Variants in DYNC2H1 observed in about 807,000 individuals in gnomAD.
DYNC2H1 encodes the protein cytoplasmic dynein 2 heavy chain 1.
Under a neutral mutation model 570.0 loss-of-function variants are expected in DYNC2H1, and 410 were observed. The observed-to-expected ratio is 0.72, with a 90% confidence interval of 0.66 to 0.78. DYNC2H1 has a LOEUF of 0.78. Ranked by LOEUF, DYNC2H1 falls within the 30% of genes least tolerant of loss-of-function variation. The probability of loss-of-function intolerance (pLI) is 0.00; values close to 1 mark genes in which losing one functional copy is unlikely to be tolerated. For synonymous variants in DYNC2H1, 1,688 were observed against 1,677.6 expected (o/e 1.01, Z -0.15); for missense variants, 4,865 against 5,046.4 (o/e 0.96, Z 1.09).
chr11:103,116,898 AT>A (rs1858427602), intron 5 of DYNC2H1, among the ~76,000 whole-genome samples, 184 bp downstream of exon 5: 1 of 152,042 alleles, frequency 6.6e-6, no homozygotes, highest in Middle Eastern at 3.4e-3. Context: ...TATGTGTCAA[AT>A]TCTTTGAACC....
chr11:103,286,357 C>A lies in DYNC2H1; in HGVS notation c.10993C>A (p.Leu3665Ile), dbSNP rs747268336. The A allele has an allele frequency of 5.6e-6, 9 of 1,612,718 alleles. No homozygotes were observed. Among genetic ancestry groups the A allele is most frequent in the Non-Finnish European group, 5.9e-6 (7 of 1,179,552 alleles). The change falls in exon 74 of 89, where the codon CTT becomes ATT. Residue 3665 changes from leucine (L) to isoleucine (I), a missense_variant. Transcript: ENST00000375735. ...SMCEQEFPSI[L>I]AKKVSLFQQI... ...GTGTGAGCAAGAGTTTCCATCTATCCTTGCAAAGAAAGTTTCCTTATTTCA... is the reference window on the plus strand; with the variant it reads ...GTGTGAGCAAGAGTTTCCATCTATCATTGCAAAGAAAGTTTCCTTATTTCA...
chr11:103,176,099 A>T, intron 36 of DYNC2H1, 136 bp from the exon 37 acceptor site: 1 of 595,138 alleles, frequency 1.7e-6, no homozygotes, highest in East Asian at 3.5e-5. Flanking sequence ...AATTCATGTG[A>T]TGTAATGTCT....
chr11:103,193,842 AGC>A (rs1380866390), intron 47 of DYNC2H1, among the ~76,000 whole-genome samples: 2 of 152,158 alleles, frequency 1.3e-5, no homozygotes, highest in African/African-American at 4.8e-5. Context: ...CACCACACCC[AGC>A]CAGATTTTCT....
intron 2 of DYNC2H1, 98 bp downstream of exon 2, chr11:103,113,805 GTTTTAA>G (rs916034760): frequency 4.1e-6 from 4 of 979,770 alleles, no homozygotes; most frequent in Non-Finnish European, 5.6e-6. Flanking sequence ...TGTTAGTAGT[GTTTTAA>G]TTTTAATTAA....
chr11:103,148,387 C>T, intron 19 of DYNC2H1, 103 bp from the exon 20 acceptor site: 1 of 1,206,770 alleles, frequency 8.3e-7, no homozygotes. Context: ...TATTGTATTC[C>T]ATGTACTGAT....
intron 66 of DYNC2H1, among the ~76,000 whole-genome samples, chr11:103,253,714 ATTTGAGAG>A (rs1184786199): frequency 6.6e-6 from 1 of 152,164 alleles, no homozygotes; most frequent in Non-Finnish European, 1.5e-5. Context: ...ATGTGGTAGA[ATTTGAGAG>A]ATTGATGGAT....
chr11:103,453,933 G>A (rs898622888), intron 85 of DYNC2H1, among the ~76,000 whole-genome samples: 60 of 151,948 alleles, frequency 3.9e-4, no homozygotes, highest in Admixed American at 3.3e-3. Context: ...TTTATGAAGC[G>A]CTATCATTGT....
chr11:103,233,877 T>TGTGTGTGG (rs373144013), intron 60 of DYNC2H1, among the ~76,000 whole-genome samples, 157 bp from the exon 61 acceptor site: 1 of 85,728 alleles, frequency 1.2e-5, no homozygotes, highest in African/African-American at 4.9e-5. Flanking sequence ...TGTGTGTGTG[T>TGTGTGTGG]GGGTTTGTCT....
intron 75 of DYNC2H1, among the ~76,000 whole-genome samples, chr11:103,298,196 C>T (rs1012333797): frequency 3.3e-5 from 5 of 151,770 alleles, no homozygotes; most frequent in East Asian, 1.9e-4. Flanking sequence ...TCTTTACCAA[C>T]GTAATAGTCT....
At chr11:103,293,724 A>G (rs1866705314) in intron 75 of DYNC2H1, among the ~76,000 whole-genome samples, 1 of 151,772 alleles carries the variant, frequency 6.6e-6, no homozygotes, top group African/African-American at 2.4e-5. Context: ...TGTTAATTGT[A>G]TTTTTCAGCT....
At position 103,135,572 on chromosome 11, in the gene DYNC2H1, C is replaced by T. The variant is rs1457743202; in HGVS notation, c.2283C>T (p.Tyr761=). Residue 761 remains tyrosine (Y), a synonymous_variant, in exon 16 of 89, where the codon TAC becomes TAT. Coordinates refer to ENST00000375735, the MANE Select transcript of DYNC2H1 (RefSeq NM_001377.3). ...TGTACAAAGCTCTGGAGCATCAGTA[C>T]CAGATGGGCTTAGAAGCACTTAATG... ...HQLYKALEHQ[Y]QMGLEALNEN... 3.1e-6 allele frequency: 5 copies of T among 1,613,124 alleles called. No individual in the cohort carries two copies. The highest frequency in any genetic ancestry group is 3.4e-6 in the Non-Finnish European group (4 of 1,179,548).
chr11:103,271,039 A>G (rs1472793186), intron 70 of DYNC2H1, among the ~76,000 whole-genome samples: 1 of 152,194 alleles, frequency 6.6e-6, no homozygotes, highest in African/African-American at 2.4e-5. Flanking sequence ...CCATTTCCAT[A>G]TGAATTTGTT....
At chr11:103,136,208 A>C (rs1859538666) in intron 17 of DYNC2H1, among the ~76,000 whole-genome samples, 1 of 147,934 alleles carries the variant, frequency 6.8e-6, no homozygotes, top group Non-Finnish European at 1.5e-5. Context: ...TTTTATTTTT[A>C]TTTTTTATTT....
At chr11:103,315,308 T>C (rs1181469226) in intron 79 of DYNC2H1, among the ~76,000 whole-genome samples, 1 of 152,102 alleles carries the variant, frequency 6.6e-6, no homozygotes, top group Non-Finnish European at 1.5e-5. Flanking sequence ...TATGTTTTAA[T>C]TGACGAAAAC....
intron 83 of DYNC2H1, 28 bp from the exon 84 acceptor site, chr11:103,399,635 G>A (rs1249544904): frequency 9.9e-6 from 15 of 1,522,046 alleles, no homozygotes; most frequent in African/African-American, 6.9e-5. Flanking sequence ...GTTACTATTC[G>A]GTAAATATTA....
At chr11:103,222,275 G>A (rs1443530798) in intron 58 of DYNC2H1, 122 bp downstream of exon 58, 3 of 685,562 alleles carry the variant, frequency 4.4e-6, no homozygotes, top group Non-Finnish European at 4.3e-6. Flanking sequence ...TAAAAAATAA[G>A]CTTATAGGAA....
At chr11:103,463,089 A>G (rs61904819) in intron 87 of DYNC2H1, among the ~76,000 whole-genome samples, 24,824 of 152,188 alleles carry the variant, frequency 0.16, 2,190 homozygotes, top group Admixed American at 0.25. Flanking sequence ...CTTTCAATAT[A>G]TTGTAAACAA....
intron 3 of DYNC2H1, among the ~76,000 whole-genome samples, chr11:103,114,709 A>G (rs1858290248): frequency 6.6e-6 from 1 of 152,206 alleles, no homozygotes; most frequent in Non-Finnish European, 1.5e-5. Context: ...TGGTCATAAC[A>G]TCTCATCAAC....
chr11:103,448,608 A>G (rs973370972), intron 85 of DYNC2H1, among the ~76,000 whole-genome samples: 3 of 152,204 alleles, frequency 2.0e-5, no homozygotes, highest in African/African-American at 4.8e-5. Context: ...AGAAGAGGGT[A>G]GGGCAGAGAG....
Sources: gnomAD v4.1 joint callset for allele counts (sites outside exome capture counted in the v4.1 genomes callset) on GRCh38, gnomAD v4.1.1 for gene constraint, MANE v1.5 for transcripts, NCBI Gene and HGNC (gene_info 2026-07-23, HGNC 2026-07-21) for gene names.